ZNF681: variants seen among roughly 807,000 people sequenced by gnomAD.
ZNF681 encodes hypothetical protein FLJ31526.
A neutral mutation model predicts 56.0 loss-of-function variants in ZNF681; 37 were observed. That is an observed-to-expected ratio of 0.66 (90% CI 0.51 to 0.87). ZNF681 has a LOEUF of 0.87. ZNF681 is among the 40% of genes least tolerant of loss of function. The pLI is 0.00. For missense variants in ZNF681, 741 were observed against 744.9 expected (o/e 0.99, Z 0.06); for synonymous variants, 225 against 248.6 (o/e 0.91, Z 0.89).
chr19:23,739,236 A>T lies in ZNF681; in HGVS notation c.*4376T>A, dbSNP rs1452691703. On this transcript the variant is annotated 3_prime_UTR_variant, in exon 4 of 4. Transcript: ENST00000402377. Reference sequence around the variant, plus strand: ...AAAAATTTATTATTTTCAATTACATAGATTAACCAAATTATTTCACTTACA... The same window carrying T: ...AAAAATTTATTATTTTCAATTACATTGATTAACCAAATTATTTCACTTACA... The T allele has an allele frequency of 1.3e-5, 2 of 152,150 alleles. No individual in the cohort carries two copies. Among genetic ancestry groups the T allele is most frequent in the Non-Finnish European group, 1.5e-5 (1 of 68,018 alleles). The allele number at this position is 152,150 out of a possible 1,614,324, so 9.4% of individuals were successfully genotyped here.
chr19:23,743,762 G>C lies in ZNF681; in HGVS notation c.1788C>G (p.Gly596=). 6.2e-7 allele frequency: 1 copy of C among 1,613,646 alleles called. No homozygotes were observed. Among genetic ancestry groups the C allele is most frequent in the Middle Eastern group, 1.7e-4 (1 of 6,058 alleles). ...GGTTTGAGGACTGGTTAAAAGCTTT[G>C]CCACATTTTTCACATTGGTAGGGTT... ...GEKPYQCEKC[G]KAFNQSSNLT... The change falls in exon 4 of 4, where the codon GGC becomes GGG. Residue 596 remains glycine (G), a synonymous_variant. Transcript: ENST00000402377.
rs539287768 is a variant in ZNF681, at chr19:23,748,300, A to T, written c.227-2977T>A. Among the ~76,000 whole-genome samples, 27 of 152,326 alleles carry T rather than the reference A, an allele frequency of 1.8e-4. No homozygotes were observed. In the East Asian group the frequency reaches 5.0e-3, roughly 28 times the overall value. The stretch of plus-strand genomic sequence containing the variant: ...AACTCAGCATTCCACTGAAGGCTAT[A>T]TGATCAAACAGCAAACTGTTTATCA... On this transcript the variant is annotated intron_variant, in intron 3 of 3. Transcript: ENST00000402377.
Position 23,744,964 on chromosome 19 carries a change from T to A in ZNF681, c.586A>T (p.Asn196Tyr). The change falls in exon 4 of 4, where the codon AAT (asparagine) becomes TAT (tyrosine). Residue 196 changes from asparagine (N) to tyrosine (Y), a missense_variant. Asn to Tyr is a moderately radical substitution (Grantham distance 143). Transcript: ENST00000402377. ...TQHKIICTRV[N>Y]FYKCEDCGKA... The stretch of plus-strand genomic sequence containing the variant: ...CCACAGTCTTCACATTTGTAGAAAT[T>A]TACTCTAGTACAAATTATTTTATGT... 6.2e-7 allele frequency: 1 copy of A among 1,602,148 alleles called. No homozygotes were observed. Among genetic ancestry groups the A allele is most frequent in the African/African-American group, 1.3e-5 (1 of 74,402 alleles).
chr19:23,750,879 T>C (rs962208653), intron 3 of ZNF681, among the ~76,000 whole-genome samples: 13 of 150,370 alleles, frequency 8.6e-5, no homozygotes, highest in African/African-American at 3.2e-4. Flanking sequence ...ATCCCAGCAC[T>C]TTGGGAGGCT....
At chr19:23,757,552 T>C (rs1246045748) in intron 1 of ZNF681, among the ~76,000 whole-genome samples, 1 of 152,162 alleles carries the variant, frequency 6.6e-6, no homozygotes, top group African/African-American at 2.4e-5. Context: ...CTAGATAGAA[T>C]GCAAGCACTA....
At chr19:23,750,178 G>A (rs1273322367) in intron 3 of ZNF681, among the ~76,000 whole-genome samples, 3 of 150,838 alleles carry the variant, frequency 2.0e-5, no homozygotes, top group Admixed American at 6.6e-5. Flanking sequence ...CCAGCTACTC[G>A]GTGGCTGAGG....
intron 3 of ZNF681, among the ~76,000 whole-genome samples, chr19:23,752,039 T>C (rs544498473): frequency 6.6e-6 from 1 of 152,204 alleles, no homozygotes; most frequent in Non-Finnish European, 1.5e-5. Context: ...CTGGGTTATG[T>C]AGCAAGACCC....
Position 23,740,867 on chromosome 19 carries a change from T to C in ZNF681, c.*2745A>G, listed in dbSNP as rs1037733897. The C allele has an allele frequency of 1.6e-4, 25 of 152,112 alleles. 1 individual carries two copies. The highest frequency in any genetic ancestry group is 6.0e-4 in the African/African-American group (25 of 41,436). 9.4% of individuals were successfully genotyped at this position (152,112 alleles called of 1,614,324 possible). On this transcript the variant is annotated 3_prime_UTR_variant, in exon 4 of 4. Transcript: ENST00000402377. Reference sequence around the variant, plus strand: ...TTATAAAAATTATTTTTATAATCTCTGACCAGCTCACATAGCATCTTATAT... The same window carrying C: ...TTATAAAAATTATTTTTATAATCTCCGACCAGCTCACATAGCATCTTATAT...
At chr19:23,751,852 A>T (rs8101865) in intron 3 of ZNF681, among the ~76,000 whole-genome samples, 1,627 of 151,760 alleles carry the variant, frequency 0.011, 34 homozygotes, top group African/African-American at 0.037. Context: ...TGCCTGGCTA[A>T]TTTTTTTTGT....
chr19:23,755,292 C>A, intron 2 of ZNF681, 133 bp downstream of exon 2: 1 of 1,207,710 alleles, frequency 8.3e-7, no homozygotes, highest in South Asian at 1.7e-5. Flanking sequence ...AGAGATGAAT[C>A]CCTAAGATTT....
intron 1 of ZNF681, among the ~76,000 whole-genome samples, chr19:23,756,878 ATTTT>A (rs775846509): frequency 9.3e-5 from 14 of 149,840 alleles, no homozygotes; most frequent in Non-Finnish European, 1.6e-4. Flanking sequence ...ACAAAAATTT[ATTTT>A]TTTTTTGAGT....
At chr19:23,750,616 C>T (rs1969013763) in intron 3 of ZNF681, among the ~76,000 whole-genome samples, 1 of 148,308 alleles carries the variant, frequency 6.7e-6, no homozygotes, top group Non-Finnish European at 1.5e-5. Context: ...CTGAGGTGGA[C>T]AAATCACCTG....
In ZNF681 at chr19:23,744,111, C is replaced by T. The variant is rs78075437; in HGVS notation, c.1439G>A (p.Cys480Tyr). ...RIHTGEKPYK[C>Y]EECGKAFNQS... ...GTTAAAAGCTTTGCCACATTCTTCACATTTGTAGGGTTTCTCTCCAGTATG... is the reference window on the plus strand; with the variant it reads ...GTTAAAAGCTTTGCCACATTCTTCATATTTGTAGGGTTTCTCTCCAGTATG... The change falls in exon 4 of 4, where the codon TGT (cysteine) becomes TAT (tyrosine). Residue 480 changes from cysteine (C) to tyrosine (Y), a missense_variant. By Grantham distance (194) the Cys-to-Tyr change is radical. Transcript: ENST00000402377. The T allele has an allele frequency of 2.5e-6, 4 of 1,612,022 alleles. No individual in the cohort carries two copies. Among genetic ancestry groups the T allele is most frequent in the Non-Finnish European group, 3.4e-6 (4 of 1,178,778 alleles).
At chr19:23,756,322 C>CG (rs898153486) in intron 1 of ZNF681, among the ~76,000 whole-genome samples, 2 of 662 alleles carry the variant, frequency 3.0e-3, no homozygotes, top group African/African-American at 5.4e-3. Flanking sequence ...GACACTCTGT[C>CG]CCCCCCCAAA....
chr19:23,745,011 C>T lies in ZNF681; in HGVS notation c.539G>A (p.Cys180Tyr), dbSNP rs958784107. 4 of 1,597,452 alleles carry T rather than the reference C, an allele frequency of 2.5e-6. No homozygotes were observed. The African/African-American group carries it at 4.0e-5, about 16-fold the overall frequency. Residue 180 changes from cysteine to tyrosine, a missense_variant, in exon 4 of 4, where the codon TGC becomes TAC. Physicochemically the swap from Cys to Tyr is radical, Grantham distance 194. Coordinates refer to ENST00000402377, the MANE Select transcript of ZNF681 (RefSeq NM_138286.3). Reference sequence around the variant, plus strand: ...ATGTTGAGTTAGGTTTGAAAATATGCAAAATGATTTGCCAAATTCTTTATA... The same window carrying T: ...ATGTTGAGTTAGGTTTGAAAATATGTAAAATGATTTGCCAAATTCTTTATA... Reference protein sequence around the residue: ...FKYKEFGKSFCIFSNLTQHKI... With the variant: ...FKYKEFGKSFYIFSNLTQHKI...
intron 3 of ZNF681, among the ~76,000 whole-genome samples, chr19:23,754,622 T>C (rs1443564106): frequency 6.6e-6 from 1 of 152,040 alleles, no homozygotes; most frequent in East Asian, 1.9e-4. Context: ...CCCAGACTGT[T>C]CCACTGCACT....
intron 3 of ZNF681, among the ~76,000 whole-genome samples, chr19:23,746,589 G>A (rs1033464759): frequency 6.6e-6 from 1 of 152,142 alleles, no homozygotes; most frequent in Non-Finnish European, 1.5e-5. Flanking sequence ...AGAGGGTGAT[G>A]CCAAGCTATT....
chr19:23,749,078 C>A (rs1223777083), intron 3 of ZNF681, among the ~76,000 whole-genome samples: 1 of 152,002 alleles, frequency 6.6e-6, no homozygotes, highest in Non-Finnish European at 1.5e-5. Flanking sequence ...TTCACAAAAG[C>A]CAAAAGACTG....
chr19:23,741,462 C>T lies in ZNF681; in HGVS notation c.*2150G>A, dbSNP rs1363115292. ...GGTGTGGTGGCTCCCACCTGTAATCCCAGCACTTTGGGAGGCCGAGGGGGC... is the reference window on the plus strand; with the variant it reads ...GGTGTGGTGGCTCCCACCTGTAATCTCAGCACTTTGGGAGGCCGAGGGGGC... On this transcript the variant is annotated 3_prime_UTR_variant, in exon 4 of 4. Transcript: ENST00000402377. The T allele has an allele frequency of 6.6e-6, 1 of 152,102 alleles. No homozygotes were observed. The highest frequency in any genetic ancestry group is 1.9e-4 in the East Asian group (1 of 5,192). 9.4% of individuals were successfully genotyped at this position (152,102 alleles called of 1,614,324 possible). A position where few individuals can be genotyped will look rare whatever the true frequency, so the allele number is the denominator to read the frequency against.
Sources: gnomAD v4.1 joint callset for allele counts (sites outside exome capture counted in the v4.1 genomes callset) on GRCh38, gnomAD v4.1.1 for gene constraint, MANE v1.5 for transcripts, NCBI Gene and HGNC (gene_info 2026-07-23, HGNC 2026-07-21) for gene names.